The following ROBO2 variants were observed in gnomAD, a reference collection of about 807,000 sequenced individuals.
ROBO2 encodes the protein roundabout guidance receptor 2, also known as roundabout homolog 2.
ROBO2 carries 53 observed loss-of-function variants against 160.8 expected under a neutral mutation model. The observed-to-expected ratio is 0.33, with a 90% CI of 0.26 to 0.41. The LOEUF (loss-of-function observed/expected upper bound fraction) is 0.41. Ranked by LOEUF, ROBO2 falls within the 10% of genes least tolerant of loss-of-function variation. ROBO2 has a pLI of 1.00. For synonymous variants in ROBO2, 664 were observed against 611.7 expected (o/e 1.09, Z -1.26); for missense variants, 1,577 against 1,722.4 (o/e 0.92, Z 1.49).
upstream of ROBO2, among the ~76,000 whole-genome samples, chr3:77,036,383 G>A (rs990192186): frequency 5.3e-5 from 8 of 151,944 alleles, no homozygotes; most frequent in Admixed American, 2.0e-4. Flanking sequence ...ACAAGAGCAC[G>A]TTGAAAAGAG....
chr3:77,588,989 G>C, intron 17 of ROBO2, 56 bp downstream of exon 18: 1 of 1,586,192 alleles, frequency 6.3e-7, no homozygotes, highest in South Asian at 1.1e-5. Context: ...GTAATGAAAT[G>C]AATGGAAGGA....
intron 2 of ROBO2, among the ~76,000 whole-genome samples, chr3:77,031,073 A>G (rs969527326): frequency 4.6e-5 from 7 of 152,162 alleles, no homozygotes; most frequent in Non-Finnish European, 2.9e-5. Flanking sequence ...CCCACCCTTG[A>G]AGGTGGGGCT....
chr3:76,292,327 C>T (rs1008572494), intron 2 of ROBO2, among the ~76,000 whole-genome samples: 2 of 152,172 alleles, frequency 1.3e-5, no homozygotes, highest in African/African-American at 4.8e-5. Context: ...CTACCTCCAA[C>T]CACCTACTCA....
In ROBO2 at chr3:76,614,733, A is replaced by G. The variant is rs759266728; in HGVS notation, c.110-483281A>G. Among the ~76,000 whole-genome samples the G allele has an allele frequency of 8.1e-4, 124 of 152,276 alleles. No homozygotes were observed. In the Middle Eastern group the frequency reaches 0.01, roughly 13 times the overall value. On this transcript the variant is annotated intron_variant, in intron 2 of 26. Transcript: ENST00000487694. ...CATGTTTGATGGATAAATGCCTAGGAAAAAAATTCAAATTGGCTAATAAAT... is the reference window on the plus strand; with the variant it reads ...CATGTTTGATGGATAAATGCCTAGGGAAAAAATTCAAATTGGCTAATAAAT...
intron 2 of ROBO2, among the ~76,000 whole-genome samples, chr3:76,710,852 A>T (rs972547896): frequency 6.6e-6 from 1 of 152,182 alleles, no homozygotes; most frequent in Non-Finnish European, 1.5e-5. Flanking sequence ...CTCAGACAGG[A>T]TGATGCGATA....
At chr3:77,182,127 G>A (rs976355845) in intron 2 of ROBO2, among the ~76,000 whole-genome samples, 4 of 151,930 alleles carry the variant, frequency 2.6e-5, no homozygotes, top group African/African-American at 7.3e-5. Context: ...ATTTATATTT[G>A]TCAGCTTTTG....
chr3:76,240,187 T>A (rs1705201266), intron 2 of ROBO2, among the ~76,000 whole-genome samples: 1 of 152,054 alleles, frequency 6.6e-6, no homozygotes, highest in Non-Finnish European at 1.5e-5. Context: ...AACATGCAGG[T>A]TTGTTACATA....
At chr3:76,925,211 A>G (rs1033753869) in intron 2 of ROBO2, among the ~76,000 whole-genome samples, 10 of 84,412 alleles carry the variant, frequency 1.2e-4, no homozygotes, top group Non-Finnish European at 4.9e-5. Context: ...ACTCCGTCTC[A>G]AAAAAAAAAA....
chr3:77,503,134 A>C lies in ROBO2; in HGVS notation c.806+9752A>C, dbSNP rs2087867121. 5.3e-5 allele frequency among the ~76,000 whole-genome samples: 8 copies of C among 152,114 alleles called. No individual in the cohort carries two copies. In the South Asian group the frequency reaches 1.7e-3, roughly 32 times the overall value. On this transcript the variant is annotated intron_variant, in intron 5 of 25. Transcript: ENST00000461745. ...GGGATGGATAGATACCCCATTCTCTACGATGTGCTTATTTCCCACTGCATG... is the reference window on the plus strand; with the variant it reads ...GGGATGGATAGATACCCCATTCTCTCCGATGTGCTTATTTCCCACTGCATG...
intron 2 of ROBO2, among the ~76,000 whole-genome samples, chr3:76,446,010 A>G (rs984324243): frequency 2.0e-5 from 3 of 152,152 alleles, no homozygotes; most frequent in Non-Finnish European, 1.5e-5. Flanking sequence ...CACCACTCCT[A>G]TTCAACATAG....
At chr3:76,219,835 C>A (rs1167618605) in intron 2 of ROBO2, among the ~76,000 whole-genome samples, 1 of 151,946 alleles carries the variant, frequency 6.6e-6, no homozygotes, top group African/African-American at 2.4e-5. Flanking sequence ...GGGTATATAC[C>A]CAAAGGATTA....
At position 76,556,133 on chromosome 3, in the gene ROBO2, T is replaced by G. The variant is rs182331695; in HGVS notation, c.110-541881T>G. On this transcript the variant is annotated intron_variant, in intron 2 of 26. Coordinates refer to the ROBO2 transcript ENST00000487694. ...AAAAAATAAAAAGAATGGAAGAAAG[T>G]GAGAAAGAAAGAAAGAAAAAAGAAA... is the stretch of plus-strand genomic sequence containing the variant. Among the ~76,000 whole-genome samples, 28 of 151,296 alleles carry G rather than the reference T, an allele frequency of 1.9e-4. No individual in the cohort carries two copies. The East Asian group carries it at 5.5e-3, about 30-fold the overall frequency.
In ROBO2 at chr3:76,672,411, G is replaced by A. The variant is rs911309486; in HGVS notation, c.110-425603G>A. ...TGGAAGAAAGTGTACCCATTTCAAT[G>A]AAAACAAAGTCCTATTTACTTTGGA... On this transcript the variant is annotated intron_variant, in intron 2 of 26. Transcript: ENST00000487694. Among the ~76,000 whole-genome samples the A allele has an allele frequency of 3.3e-5, 5 of 152,168 alleles. No homozygotes were observed. In the South Asian group the frequency reaches 8.3e-4, roughly 25 times the overall value.
chr3:77,154,315 G>A (rs1303297884), intron 2 of ROBO2, among the ~76,000 whole-genome samples: 1 of 152,076 alleles, frequency 6.6e-6, no homozygotes, highest in Non-Finnish European at 1.5e-5. Context: ...AGTGAGGTAT[G>A]TTTAGCTAAA....
At chr3:77,225,518 C>T (rs1466125623) in intron 2 of ROBO2, among the ~76,000 whole-genome samples, 2 of 151,670 alleles carry the variant, frequency 1.3e-5, no homozygotes, top group Non-Finnish European at 3.0e-5. Context: ...CTTCAAAGTA[C>T]AATTTCTTGA....
At chr3:77,336,600 G>A (rs893487419) in intron 2 of ROBO2, among the ~76,000 whole-genome samples, 2 of 151,712 alleles carry the variant, frequency 1.3e-5, no homozygotes, top group African/African-American at 4.8e-5. Flanking sequence ...AAGATGATTA[G>A]TGTATTGAAT....
intron 2 of ROBO2, among the ~76,000 whole-genome samples, chr3:76,432,085 T>C (rs965109591): frequency 3.3e-5 from 5 of 152,154 alleles, no homozygotes; most frequent in African/African-American, 7.2e-5. Flanking sequence ...TTGTGCCATA[T>C]GGCATTTGGT....
rs144626098 is a variant in ROBO2, at chr3:76,190,587, G to T, written c.109+252985G>T. Among the ~76,000 whole-genome samples the T allele has an allele frequency of 3.8e-3, 576 of 151,980 alleles. 5 individuals carry two copies. The highest frequency in any genetic ancestry group is 0.013 in the African/African-American group (546 of 41,438). On this transcript the variant is annotated intron_variant, in intron 2 of 26. Transcript: ENST00000487694. ...AGCTTAGACATATAACTTTAAAATG[G>T]TCACATGAACTCATTTGACACCATG...
rs113234009 is a variant in ROBO2, at chr3:76,880,627, T to G, written c.110-217387T>G. On this transcript the variant is annotated intron_variant, in intron 2 of 26. Coordinates refer to the ROBO2 transcript ENST00000487694. ...TTTAAAAATTCTAGGAATTTAGACA[T>G]GATTTTAATGTTGGTGGTCTTTGTT... 1.5e-3 allele frequency among the ~76,000 whole-genome samples: 229 copies of G among 152,310 alleles called. 2 individuals carry two copies. Among genetic ancestry groups the G allele is most frequent in the African/African-American group, 5.1e-3 (211 of 41,578 alleles).
Sources: gnomAD v4.1 joint callset for allele counts (sites outside exome capture counted in the v4.1 genomes callset) on GRCh38, gnomAD v4.1.1 for gene constraint, MANE v1.5 for transcripts, NCBI Gene and HGNC (gene_info 2026-07-23, HGNC 2026-07-21) for gene names.